CDH13: variants seen among roughly 807,000 people sequenced by gnomAD.
CDH13 encodes the protein cadherin 13, also known as cadherin-13.
A neutral mutation model predicts 63.8 loss-of-function variants in CDH13; 24 were observed. That is an observed-to-expected ratio of 0.38 (90% CI 0.27 to 0.53). The LOEUF (loss-of-function observed/expected upper bound fraction) is 0.53, where lower values mean the gene tolerates loss of function less well. Among genes scored for constraint, CDH13 ranks in the 20% least tolerant of loss-of-function variants. The pLI is 0.85. For missense variants in CDH13, 1,049 were observed against 903.1 expected (o/e 1.16, Z -2.07); for synonymous variants, 503 against 355.3 (o/e 1.42, Z -4.67).
chr16:82,648,840 G>A (rs3910228), intron 1 of CDH13, among the ~76,000 whole-genome samples: 70,177 of 152,080 alleles, frequency 0.46, 17,068 homozygotes, highest in African/African-American at 0.63. Context: ...AATGGAAAAT[G>A]TATTTCAGAA....
chr16:82,790,534 T>A (rs548270776), intron 1 of CDH13, among the ~76,000 whole-genome samples: 2 of 152,320 alleles, frequency 1.3e-5, no homozygotes, highest in Admixed American at 6.5e-5. Flanking sequence ...ACAAAAAAAT[T>A]ATTTGGTCAA....
intron 2 of CDH13, among the ~76,000 whole-genome samples, chr16:82,875,893 A>C (rs767654705): frequency 1.3e-5 from 2 of 152,204 alleles, no homozygotes; most frequent in Non-Finnish European, 2.9e-5. Flanking sequence ...GGCAATTTAC[A>C]AAAGAAAGGT....
intron 5 of CDH13, among the ~76,000 whole-genome samples, chr16:83,306,644 G>A (rs1285028447): frequency 6.6e-6 from 1 of 152,170 alleles, no homozygotes; most frequent in Non-Finnish European, 1.5e-5. Context: ...GGAATTCCAA[G>A]TACTTTTATT....
At chr16:83,294,473 T>C (rs558272038) in intron 5 of CDH13, among the ~76,000 whole-genome samples, 28 of 152,148 alleles carry the variant, frequency 1.8e-4, no homozygotes, top group Non-Finnish European at 3.7e-4. Flanking sequence ...AGCATTCACA[T>C]GGGAATGAGA....
At chr16:82,784,175 T>C (rs2035895487) in intron 1 of CDH13, among the ~76,000 whole-genome samples, 1 of 152,174 alleles carries the variant, frequency 6.6e-6, no homozygotes, top group African/African-American at 2.4e-5. Context: ...ACAGCTCTAG[T>C]GGGTGTTTCT....
At chr16:82,915,258 G>C (rs575985959) in intron 2 of CDH13, among the ~76,000 whole-genome samples, 1 of 152,120 alleles carries the variant, frequency 6.6e-6, no homozygotes, top group South Asian at 2.1e-4. Context: ...ATTTAATATC[G>C]CAAGAGTCTA....
At chr16:83,650,244 T>A (rs896855394) in intron 8 of CDH13, among the ~76,000 whole-genome samples, 4 of 152,206 alleles carry the variant, frequency 2.6e-5, no homozygotes, top group African/African-American at 4.8e-5. Flanking sequence ...TCTTCTTTTA[T>A]AAAAGGGATT....
intron 5 of CDH13, among the ~76,000 whole-genome samples, chr16:83,255,127 A>G (rs1389943515): frequency 2.0e-5 from 3 of 152,256 alleles, no homozygotes; most frequent in East Asian, 3.9e-4. Flanking sequence ...ATTATTTTTA[A>G]TAAAAAAATA....
intron 7 of CDH13, among the ~76,000 whole-genome samples, chr16:83,504,028 G>C (rs537146229): frequency 9.2e-5 from 14 of 152,212 alleles, no homozygotes; most frequent in African/African-American, 3.4e-4. Context: ...CCTAAAATAT[G>C]GGTTGATGGG....
At chr16:83,076,904 G>A (rs538479037) in intron 3 of CDH13, among the ~76,000 whole-genome samples, 3 of 152,012 alleles carry the variant, frequency 2.0e-5, no homozygotes, top group South Asian at 2.1e-4. Flanking sequence ...GACATTAAAA[G>A]TAATGGCAAA....
At chr16:82,777,479 G>A (rs917619960) in intron 1 of CDH13, among the ~76,000 whole-genome samples, 1 of 152,192 alleles carries the variant, frequency 6.6e-6, no homozygotes, top group Non-Finnish European at 1.5e-5. Context: ...TTGTGCCCCT[G>A]GGTGGGCCTG....
intron 1 of CDH13, among the ~76,000 whole-genome samples, chr16:82,797,676 T>A (rs1024402559): frequency 6.6e-6 from 1 of 152,170 alleles, no homozygotes; most frequent in African/African-American, 2.4e-5. Flanking sequence ...CAGGCTCATA[T>A]ACTAATTTTA....
chr16:83,016,147 A>C (rs1487230051), intron 2 of CDH13, among the ~76,000 whole-genome samples: 1 of 152,178 alleles, frequency 6.6e-6, no homozygotes, highest in Non-Finnish European at 1.5e-5. Flanking sequence ...TCACTTGGCC[A>C]CTGGAGGATG....
intron 1 of CDH13, among the ~76,000 whole-genome samples, chr16:82,802,201 G>A (rs1407072403): frequency 1.3e-5 from 2 of 152,158 alleles, no homozygotes; most frequent in Non-Finnish European, 2.9e-5. Context: ...TGCTCCAGTG[G>A]CCGCAGAAAG....
intron 7 of CDH13, among the ~76,000 whole-genome samples, chr16:83,521,568 C>T (rs2074838252): frequency 6.6e-6 from 1 of 152,134 alleles, no homozygotes; most frequent in Non-Finnish European, 1.5e-5. Flanking sequence ...TGTTAAATCC[C>T]TTGTGAGTTT....
chr16:82,955,470 C>T (rs764247901), intron 2 of CDH13, among the ~76,000 whole-genome samples: 1 of 152,174 alleles, frequency 6.6e-6, no homozygotes, highest in Non-Finnish European at 1.5e-5. Flanking sequence ...TATGGGTTGC[C>T]TGGTTAACCC....
chr16:82,824,236 G>A (rs1181687876), intron 1 of CDH13: 1 of 151,952 alleles, frequency 6.6e-6, no homozygotes. Flanking sequence ...CATAATGATA[G>A]GGGAAAACAA....
At chr16:83,216,115 G>C (rs1010879743) in intron 4 of CDH13, among the ~76,000 whole-genome samples, 4 of 151,406 alleles carry the variant, frequency 2.6e-5, no homozygotes, top group Non-Finnish European at 5.9e-5. Flanking sequence ...TGTCTGTGCT[G>C]TTCCCTCTGC....
chr16:82,953,374 C>T (rs1905571312), intron 2 of CDH13: 1 of 152,082 alleles, frequency 6.6e-6, no homozygotes, highest in African/African-American at 2.4e-5. Context: ...CACCAGTGAC[C>T]AACATGGGGT....
Sources: allele counts gnomAD v4.1 joint callset (sites outside exome capture counted in the v4.1 genomes callset), GRCh38; gene constraint gnomAD v4.1.1; transcripts MANE v1.5; gene names NCBI Gene and HGNC (gene_info 2026-07-23, HGNC 2026-07-21).